SDK1: variants seen among roughly 807,000 people sequenced by gnomAD.
The protein encoded by SDK1 is protein sidekick-1.
A neutral mutation model predicts 245.5 loss-of-function variants in SDK1; 157 were observed. That is an observed-to-expected ratio of 0.64 (90% CI 0.56 to 0.73). The LOEUF is 0.73. SDK1 is among the 30% of genes least tolerant of loss of function. The probability of loss-of-function intolerance (pLI) is 0.00; values close to 1 mark genes in which losing one functional copy is unlikely to be tolerated. For synonymous variants in SDK1, 1,647 were observed against 1,278.5 expected (o/e 1.29, Z -6.15); for missense variants, 3,583 against 3,002.3 (o/e 1.19, Z -4.52).
chr7:3,613,981 A>T (rs575153944), intron 1 of SDK1, among the ~76,000 whole-genome samples: 4 of 152,162 alleles, frequency 2.6e-5, no homozygotes, highest in Non-Finnish European at 5.9e-5. Flanking sequence ...TGGAGCGTGG[A>T]GGATGAGAGC....
intron 4 of SDK1, among the ~76,000 whole-genome samples, chr7:3,764,457 G>A (rs186048173): frequency 3.3e-5 from 5 of 152,260 alleles, no homozygotes; most frequent in South Asian, 2.1e-4. Flanking sequence ...AGGCCGAGGC[G>A]GGTGGATCAC....
chr7:3,680,472 T>C (rs1052340694), intron 4 of SDK1, among the ~76,000 whole-genome samples: 8 of 152,134 alleles, frequency 5.3e-5, no homozygotes, highest in Admixed American at 2.6e-4. Flanking sequence ...AATGAGTACA[T>C]GGAAAAATGA....
intron 5 of SDK1, among the ~76,000 whole-genome samples, chr7:3,935,000 C>G (rs1780105594): frequency 6.6e-6 from 1 of 152,210 alleles, no homozygotes. Flanking sequence ...ATTTATGCAT[C>G]AACTCCCCTC....
rs186887849 is a variant in SDK1 at position 3,317,529 on chromosome 7, C to G, written c.298+15645C>G. On this transcript the variant is annotated intron_variant, in intron 1 of 44. Coordinates refer to ENST00000404826, the MANE Select transcript of SDK1 (RefSeq NM_152744.4). ...CTTTGTTCTGTAGCTGTGTGCTGTT[C>G]CCTGGGTGCCTGCCAGGAGGGCGCT... Among the ~76,000 whole-genome samples the G allele has an allele frequency of 1.3e-3, 195 of 152,094 alleles. 2 individuals are homozygous for G. The highest frequency in any genetic ancestry group is 4.5e-3 in the African/African-American group (186 of 41,462).
At chr7:3,631,640 C>T (rs74900972) in intron 2 of SDK1, among the ~76,000 whole-genome samples, 1 of 152,176 alleles carries the variant, frequency 6.6e-6, no homozygotes, top group African/African-American at 2.4e-5. Flanking sequence ...TTCAGTTTGA[C>T]TGCTTTTTGG....
intron 2 of SDK1, among the ~76,000 whole-genome samples, chr7:3,637,218 C>A (rs891527974): frequency 6.6e-6 from 1 of 152,064 alleles, no homozygotes; most frequent in Non-Finnish European, 1.5e-5. Flanking sequence ...CTGTTTCAGC[C>A]CCCCAGGTAG....
chr7:4,185,352 G>A (rs575646317), intron 35 of SDK1, among the ~76,000 whole-genome samples: 5 of 152,152 alleles, frequency 3.3e-5, no homozygotes, highest in African/African-American at 9.7e-5. Flanking sequence ...GTGGGACCAC[G>A]CTCCAGCCTT....
chr7:3,723,727 T>C (rs1245744126), intron 4 of SDK1, among the ~76,000 whole-genome samples: 3 of 151,046 alleles, frequency 2.0e-5, no homozygotes, highest in South Asian at 2.1e-4. Context: ...TATATACACG[T>C]ACATATACAT....
rs1005778588 is a variant in SDK1, at chr7:3,511,140, C to A, written c.299-107940C>A. On this transcript the variant is annotated intron_variant, in intron 1 of 44. Transcript: ENST00000404826. ...AGGATTCCACGGTCTGAGAAAGGAACCAAGGACGACTCCATGTTACACTTG... is the reference window on the plus strand; with the variant it reads ...AGGATTCCACGGTCTGAGAAAGGAAACAAGGACGACTCCATGTTACACTTG... Among the ~76,000 whole-genome samples, 12 of 152,238 alleles carry A rather than the reference C, an allele frequency of 7.9e-5. No homozygotes were observed. In the East Asian group the frequency reaches 2.3e-3, roughly 29 times the overall value.
chr7:4,249,075 G>C (rs891138124), intron 44 of SDK1, among the ~76,000 whole-genome samples: 3 of 152,100 alleles, frequency 2.0e-5, no homozygotes, highest in Non-Finnish European at 4.4e-5. Context: ...ACACAGAGGT[G>C]GCCTCAGGGA....
At chr7:3,315,414 C>G (rs550714425) in intron 1 of SDK1, among the ~76,000 whole-genome samples, 2 of 152,170 alleles carry the variant, frequency 1.3e-5, no homozygotes, top group East Asian at 1.9e-4. Context: ...TGAGTGCACC[C>G]CTGTCTCTGG....
rs1175553491 is a variant in SDK1, at chr7:3,951,768, G to C, written c.998G>C (p.Gly333Ala). 1.7e-5 allele frequency: 27 copies of C among 1,613,734 alleles called. No individual in the cohort carries two copies. The highest frequency in any genetic ancestry group is 2.1e-5 in the Non-Finnish European group (25 of 1,180,022). ...EDLSVTWKRN[G>A]VRITSGLHSF... Reference sequence around the variant, plus strand: ...CTGAGTGTGACCTGGAAGAGGAATGGAGTGAGAATCACCAGTGGCCTCCAC... The same window carrying C: ...CTGAGTGTGACCTGGAAGAGGAATGCAGTGAGAATCACCAGTGGCCTCCAC... Residue 333 changes from glycine (G) to alanine (A), a missense_variant, in exon 7 of 45, where the codon GGA (glycine) becomes GCA (alanine). By Grantham distance (60) the Gly-to-Ala change is moderately conservative. Transcript: ENST00000404826.
intron 25 of SDK1, among the ~76,000 whole-genome samples, chr7:4,117,257 C>G (rs1419928615): frequency 2.0e-5 from 3 of 152,086 alleles, no homozygotes; most frequent in African/African-American, 7.2e-5. Flanking sequence ...AGCTTGAGTC[C>G]AGGAGTTCAA....
At chr7:3,320,597 T>A (rs1253293902) in intron 1 of SDK1, among the ~76,000 whole-genome samples, 1 of 152,218 alleles carries the variant, frequency 6.6e-6, no homozygotes, top group East Asian at 1.9e-4. Flanking sequence ...ATCTGTGATG[T>A]TAGCTTATGG....
intron 4 of SDK1, among the ~76,000 whole-genome samples, chr7:3,704,876 A>G (rs1185009154): frequency 6.6e-6 from 1 of 152,204 alleles, no homozygotes; most frequent in African/African-American, 2.4e-5. Context: ...AAGGTAAGAG[A>G]CAGGGATTCA....
At chr7:3,315,050 G>C (rs544460931) in intron 1 of SDK1, among the ~76,000 whole-genome samples, 1 of 152,236 alleles carries the variant, frequency 6.6e-6, no homozygotes, top group African/African-American at 2.4e-5. Flanking sequence ...ATCTGTGTTC[G>C]TCAACAGCAG....
intron 17 of SDK1, among the ~76,000 whole-genome samples, chr7:4,031,042 T>C (rs1787776258): frequency 6.6e-6 from 1 of 152,124 alleles, no homozygotes; most frequent in African/African-American, 2.4e-5. Flanking sequence ...CAGAGACAAG[T>C]ATACATATAC....
chr7:4,101,860 A>C (rs528205205), intron 22 of SDK1, among the ~76,000 whole-genome samples: 68 of 152,270 alleles, frequency 4.5e-4, no homozygotes, highest in Non-Finnish European at 8.2e-4. Flanking sequence ...AGGCAAGGAC[A>C]CACTCAGGAG....
At chr7:3,568,283 T>G (rs1044295839) in intron 1 of SDK1, among the ~76,000 whole-genome samples, 1 of 152,180 alleles carries the variant, frequency 6.6e-6, no homozygotes, top group Admixed American at 6.5e-5. Context: ...AGTCAGCTAC[T>G]TTAGGTAACT....
Sources: gnomAD v4.1 joint callset for allele counts (sites outside exome capture counted in the v4.1 genomes callset) on GRCh38, gnomAD v4.1.1 for gene constraint, MANE v1.5 for transcripts, NCBI Gene and HGNC (gene_info 2026-07-23, HGNC 2026-07-21) for gene names.